The following ADARB1 variants were observed in gnomAD, a reference collection of about 807,000 sequenced individuals.
ADARB1 encodes adenosine deaminase RNA specific B1, also known as double-stranded RNA-specific editase 1.
ADARB1 carries 10 observed loss-of-function variants against 52.4 expected under a neutral mutation model. The observed-to-expected ratio is 0.19, with a 90% CI of 0.12 to 0.32. The LOEUF (loss-of-function observed/expected upper bound fraction) is 0.32. Among genes scored for constraint, ADARB1 ranks in the 10% least tolerant of loss-of-function variants. The probability of loss-of-function intolerance (pLI) is 1.00; values close to 1 mark genes in which losing one functional copy is unlikely to be tolerated. For synonymous variants in ADARB1, 349 were observed against 371.1 expected, an observed-to-expected ratio of 0.94 and a Z score of 0.68; for missense variants, 643 against 922.3, an observed-to-expected ratio of 0.70 and a Z score of 3.92.
At chr21:45,088,009 T>G (rs902663609) in intron 1 of ADARB1, among the ~76,000 whole-genome samples, 7 of 152,172 alleles carry the variant, frequency 4.6e-5, no homozygotes, top group Admixed American at 6.5e-5. Context: ...TTTCTCACTG[T>G]CCCAGGAAGA....
intron 2 of ADARB1, among the ~76,000 whole-genome samples, chr21:45,162,250 T>C (rs2091011361): frequency 6.6e-6 from 1 of 152,166 alleles, no homozygotes; most frequent in African/African-American, 2.4e-5. Flanking sequence ...TATTCCCTGG[T>C]TTCAGCCATG....
At position 45,171,629 on chromosome 21, in the gene ADARB1, G is replaced by A. The variant is rs2091486489; in HGVS notation, c.-28G>A. ...TTTCAGACAGAAACAGTCTCCGCCA[G>A]TCAAGAAACCCTCAAAAGTATTTTG... is the stretch of plus-strand genomic sequence containing the variant. On this transcript the variant is annotated 5_prime_UTR_variant, in exon 3 of 11. Transcript: ENST00000348831. 6.2e-7 allele frequency: 1 copy of A among 1,613,262 alleles called. No homozygotes were observed. The highest frequency in any genetic ancestry group is 8.5e-7 in the Non-Finnish European group (1 of 1,179,296).
intron 8 of ADARB1, among the ~76,000 whole-genome samples, chr21:45,198,401 A>C (rs74842886): frequency 0.022 from 3,353 of 152,250 alleles, 96 homozygotes; most frequent in African/African-American, 0.062. Flanking sequence ...TTTAAAACTG[A>C]GACAAAATAG....
chr21:45,225,152 A>G lies in ADARB1; in HGVS notation c.*2955A>G, dbSNP rs572970307. 329 of 1,024,260 alleles carry G rather than the reference A, an allele frequency of 3.2e-4. No homozygotes were observed. Among genetic ancestry groups the G allele is most frequent in the Non-Finnish European group, 3.6e-4 (309 of 856,408 alleles). 63.4% of individuals were successfully genotyped at this position (1,024,260 alleles called of 1,614,324 possible). A position where few individuals can be genotyped will look rare whatever the true frequency, so the allele number is the denominator to read the frequency against. On this transcript the variant is annotated 3_prime_UTR_variant, in exon 11 of 11. Coordinates refer to ENST00000348831, the MANE Select transcript of ADARB1 (RefSeq NM_001112.4). ...CACTGTCCCTCAGGACCACTCAGGT[A>G]CAGCTCTGCCAGGGACAGAGTCCTG...
Position 45,086,370 on chromosome 21 carries a change from CCTCT to C in ADARB1, c.-220+11580_-220+11583del, listed in dbSNP as rs1436349738. Reference sequence around the variant, plus strand: ...TTTAAACAGCTGCCATGAAATGCACCCTCTCTAAGAGGACAATTCAGTGATTTTC... The same window carrying C: ...TTTAAACAGCTGCCATGAAATGCACCCTAAGAGGACAATTCAGTGATTTTC... On this transcript the variant is annotated intron_variant, in intron 1 of 10. Transcript: ENST00000348831. Among the ~76,000 whole-genome samples the C allele has an allele frequency of 2.0e-5, 3 of 152,054 alleles. No homozygotes were observed. The East Asian group carries it at 5.8e-4, about 29-fold the overall frequency.
intron 1 of ADARB1, among the ~76,000 whole-genome samples, chr21:45,075,306 G>T (rs1048062993): frequency 1.3e-5 from 2 of 150,746 alleles, no homozygotes; most frequent in Non-Finnish European, 3.0e-5. Context: ...CTGGGGAGAC[G>T]CTCCGCCCGG....
Position 45,225,358 on chromosome 21 carries a change from A to G in ADARB1, c.*3161A>G. ...ATTCTGAGTCTTAATTTAACTTTTC[A>G]TCATCTTTTCCTATTTTGGAGAATT... On this transcript the variant is annotated 3_prime_UTR_variant, in exon 11 of 11. Transcript: ENST00000348831. 1 of 1,238,380 alleles carries G rather than the reference A, an allele frequency of 8.1e-7. No individual in the cohort carries two copies. Among genetic ancestry groups the G allele is most frequent in the South Asian group, 4.0e-5 (1 of 25,028 alleles). The allele number at this position is 1,238,380 out of a possible 1,614,324, so 76.7% of individuals were successfully genotyped here.
At chr21:45,091,583 C>A (rs2086562895) in intron 1 of ADARB1, among the ~76,000 whole-genome samples, 1 of 152,172 alleles carries the variant, frequency 6.6e-6, no homozygotes, top group African/African-American at 2.4e-5. Flanking sequence ...AGAGGGAGAG[C>A]AATAGGGATA....
rs1384842076 is a variant in ADARB1, at chr21:45,142,138, G to C, written c.-48+13565G>C. ...GTTACCTGAGCCACCCTTGGTCACTGTCTGTGGGTGCTTGCTTGCTTTAAG... is the reference window on the plus strand; with the variant it reads ...GTTACCTGAGCCACCCTTGGTCACTCTCTGTGGGTGCTTGCTTGCTTTAAG... On this transcript the variant is annotated intron_variant, in intron 2 of 10. Transcript: ENST00000348831. The surrounding 1 kb of genome is among the most constrained non-coding windows in gnomAD (Gnocchi z 4.0). Among the ~76,000 whole-genome samples, 5 of 152,228 alleles carry C rather than the reference G, an allele frequency of 3.3e-5. No individual in the cohort carries two copies. The highest frequency in any genetic ancestry group is 7.3e-5 in the Non-Finnish European group (5 of 68,030).
chr21:45,141,801 C>CCAT (rs2145899963), intron 2 of ADARB1, among the ~76,000 whole-genome samples: 1 of 151,070 alleles, frequency 6.6e-6, no homozygotes, highest in South Asian at 2.1e-4. Context: ...CACGCCTGGG[C>CCAT]CATGTTAACT....
intron 1 of ADARB1, among the ~76,000 whole-genome samples, chr21:45,126,662 C>T (rs2088604385): frequency 2.6e-5 from 4 of 152,246 alleles, no homozygotes; most frequent in Admixed American, 2.6e-4. Context: ...CTGGACCCCT[C>T]TTTCCTGGAA....
At position 45,210,488 on chromosome 21, in the gene ADARB1, G is replaced by A. The variant is rs189144842; in HGVS notation, c.1747+5752G>A. ...CTATTGTATCAATGACACTTTTGAA[G>A]GTTTTTAAAAATAATAATAGTTACA... On this transcript the variant is annotated intron_variant, in intron 9 of 10. Transcript: ENST00000348831. Among the ~76,000 whole-genome samples the A allele has an allele frequency of 3.5e-4, 54 of 152,304 alleles. 1 individual carries two copies. Among genetic ancestry groups the A allele is most frequent in the African/African-American group, 1.2e-3 (51 of 41,558 alleles).
intron 2 of ADARB1, among the ~76,000 whole-genome samples, chr21:45,149,937 G>T (rs1476785972): frequency 6.6e-6 from 1 of 152,142 alleles, no homozygotes; most frequent in East Asian, 1.9e-4. Flanking sequence ...CTTACTCTTT[G>T]CCCCTTTACA....
chr21:45,178,777 C>T (rs184510404), intron 4 of ADARB1, among the ~76,000 whole-genome samples: 1 of 152,074 alleles, frequency 6.6e-6, no homozygotes, highest in Admixed American at 6.5e-5. Context: ...TATATCTGTC[C>T]CCCAAATTAA....
chr21:45,167,861 A>G (rs1393206408), intron 2 of ADARB1, among the ~76,000 whole-genome samples: 1 of 152,210 alleles, frequency 6.6e-6, no homozygotes, highest in Non-Finnish European at 1.5e-5. Context: ...CAGGAGTACA[A>G]TTGCTGAGTC....
intron 2 of ADARB1, among the ~76,000 whole-genome samples, chr21:45,129,188 C>G (rs1327631661): frequency 6.6e-6 from 1 of 151,750 alleles, no homozygotes; most frequent in Non-Finnish European, 1.5e-5. Context: ...GAGATCATGC[C>G]GTTGCATTCC....
chr21:45,086,322 A>G (rs2123658204), intron 1 of ADARB1, among the ~76,000 whole-genome samples: 1 of 152,330 alleles, frequency 6.6e-6, no homozygotes, highest in Middle Eastern at 3.4e-3. Context: ...TAGGAAAGGC[A>G]TTTTGAGGCG....
intron 9 of ADARB1, among the ~76,000 whole-genome samples, chr21:45,206,537 T>C (rs1481643770): frequency 6.6e-6 from 1 of 151,310 alleles, no homozygotes; most frequent in East Asian, 1.9e-4. Flanking sequence ...GTTTATCCTT[T>C]CCTCCTCAAT....
At chr21:45,182,349 C>T (rs574233007) in intron 5 of ADARB1, among the ~76,000 whole-genome samples, 11 of 152,212 alleles carry the variant, frequency 7.2e-5, no homozygotes, top group Admixed American at 2.6e-4. Context: ...TAAGCAATGA[C>T]GATGGTTGGC....
Sources: allele counts gnomAD v4.1 joint callset (sites outside exome capture counted in the v4.1 genomes callset), GRCh38; gene constraint gnomAD v4.1.1; non-coding constraint Gnocchi (gnomAD v3.1); transcripts MANE v1.5; gene names NCBI Gene and HGNC (gene_info 2026-07-23, HGNC 2026-07-21).